The following SLC22A4 variants were observed in gnomAD, a reference collection of about 807,000 sequenced individuals.
SLC22A4 encodes the protein ET transporter.
A neutral mutation model predicts 56.6 loss-of-function variants in SLC22A4; 39 were observed. The observed-to-expected ratio is 0.69, with a 90% CI of 0.53 to 0.90. The LOEUF (loss-of-function observed/expected upper bound fraction) is 0.90. SLC22A4 is among the 40% of genes least tolerant of loss of function. SLC22A4 has a pLI of 0.00. For synonymous variants in SLC22A4, 241 were observed against 281.4 expected, an observed-to-expected ratio of 0.86 and a Z score of 1.44; for missense variants, 594 against 696.5, an observed-to-expected ratio of 0.85 and a Z score of 1.66.
intron 4 of SLC22A4, 37 bp downstream of exon 4, chr5:132,322,392 C>A (rs270600): frequency 6.3e-6 from 10 of 1,593,254 alleles, no homozygotes; most frequent in Non-Finnish European, 8.6e-6. Context: ...CCCTCTGCTG[C>A]GGGTCAGCAC....
intron 8 of SLC22A4, among the ~76,000 whole-genome samples, chr5:132,337,634 T>C (rs866404492): frequency 2.6e-5 from 4 of 152,058 alleles, no homozygotes; most frequent in African/African-American, 9.7e-5. Flanking sequence ...TCATTGTTAC[T>C]TTCATTCCTA....
In SLC22A4 at chr5:132,331,827, G is replaced by A. The variant is rs1417308282; in HGVS notation, c.1023G>A (p.Met341Ile). The change falls in exon 6 of 10, where the codon ATG becomes ATA. Residue 341 changes from methionine to isoleucine, a missense_variant. Coordinates refer to ENST00000200652, the MANE Select transcript of SLC22A4 (RefSeq NM_003059.3). ...TCAGGACTCGGAATATTGCCATAAT[G>A]ACCATTATGTCTTTGCTGCTATGGT... ...DLFRTRNIAI[M>I]TIMSLLLWML... The A allele has an allele frequency of 6.2e-7, 1 of 1,611,770 alleles. No homozygotes were observed. The highest frequency in any genetic ancestry group is 8.5e-7 in the Non-Finnish European group (1 of 1,177,908).
At chr5:132,326,791 CTT>C in intron 4 of SLC22A4, among the ~76,000 whole-genome samples, 1 of 152,344 alleles carries the variant, frequency 6.6e-6, no homozygotes, top group Admixed American at 6.5e-5. Flanking sequence ...CTCACTTTCT[CTT>C]TTGACTAAAG....
intron 1 of SLC22A4, among the ~76,000 whole-genome samples, chr5:132,304,034 TC>T (rs894507887): frequency 6.6e-6 from 1 of 152,112 alleles, no homozygotes; most frequent in Non-Finnish European, 1.5e-5. Context: ...TTCTGGTAAC[TC>T]CATTAGAGCA....
rs774216692 is a variant in SLC22A4, at chr5:132,294,750, C to T, written c.134C>T (p.Thr45Ile). The change falls in exon 1 of 10, where the codon ACC becomes ATC. Residue 45 changes from threonine (T) to isoleucine (I), a missense_variant. By Grantham distance (89) the Thr-to-Ile change is moderately conservative. Coordinates refer to ENST00000200652, the MANE Select transcript of SLC22A4 (RefSeq NM_003059.3). This position sits in a 1 kb window ranked among gnomAD's most constrained non-coding sequence, Gnocchi z 5.6. ...NGMSVVFLAG[T>I]PEHRCRVPDA... ...ATGTCAGTCGTGTTCCTGGCGGGGA[C>T]CCCGGAGCACCGCTGTCGAGTGCCG... The T allele has an allele frequency of 1.8e-5, 29 of 1,613,756 alleles. No individual in the cohort carries two copies. The highest frequency in any genetic ancestry group is 1.2e-4 in the Admixed American group (7 of 60,018).
chr5:132,304,161 A>AGAT (rs1267302751), intron 1 of SLC22A4, among the ~76,000 whole-genome samples: 2 of 152,218 alleles, frequency 1.3e-5, no homozygotes, highest in Non-Finnish European at 2.9e-5. Flanking sequence ...CAAACCTTAT[A>AGAT]GATTTGCCTC....
chr5:132,295,427 C>T (rs1424728389), intron 1 of SLC22A4: 1 of 404,070 alleles, frequency 2.5e-6, no homozygotes. Flanking sequence ...TTGTCTGTTC[C>T]CTGGCCACAG....
intron 1 of SLC22A4, among the ~76,000 whole-genome samples, chr5:132,305,168 AT>A (rs1749995871): frequency 6.6e-6 from 1 of 152,206 alleles, no homozygotes; most frequent in East Asian, 1.9e-4. Flanking sequence ...TTAACAGAAG[AT>A]TTGAACAGGC....
intron 1 of SLC22A4, chr5:132,311,509 GA>G (rs1750177788): frequency 6.5e-6 from 1 of 153,756 alleles, no homozygotes; most frequent in Admixed American, 6.4e-5. Context: ...GGATGGGAAG[GA>G]GGGTGTAGGG....
intron 4 of SLC22A4, 29 bp downstream of exon 4, chr5:132,322,384 C>G (rs543538226): frequency 6.2e-7 from 1 of 1,609,176 alleles, no homozygotes; most frequent in South Asian, 1.1e-5. Flanking sequence ...CAGACAGGCC[C>G]TCTGCTGCGG....
chr5:132,325,988 A>C (rs960207018), intron 4 of SLC22A4, among the ~76,000 whole-genome samples: 1 of 152,240 alleles, frequency 6.6e-6, no homozygotes, highest in African/African-American at 2.4e-5. Context: ...ATTTCTGCAT[A>C]AACTGACCTT....
chr5:132,297,586 G>A (rs1000040643), intron 1 of SLC22A4, among the ~76,000 whole-genome samples: 4 of 151,964 alleles, frequency 2.6e-5, no homozygotes, highest in Non-Finnish European at 5.9e-5. Context: ...GATGAAAAGA[G>A]GCTCAACATC....
intron 3 of SLC22A4, among the ~76,000 whole-genome samples, chr5:132,320,272 G>A (rs1298022020): frequency 1.3e-5 from 2 of 152,134 alleles, no homozygotes; most frequent in African/African-American, 4.8e-5. Flanking sequence ...AAGCTCCTCT[G>A]GCCTCACAAT....
intron 9 of SLC22A4, among the ~76,000 whole-genome samples, chr5:132,342,702 G>C (rs971136840): frequency 3.3e-5 from 5 of 152,226 alleles, no homozygotes; most frequent in Non-Finnish European, 7.3e-5. Context: ...ACAGCACTCA[G>C]AACACTGGCC....
In SLC22A4 at chr5:132,343,918, C is replaced by A; in HGVS notation, c.*83C>A. 1 of 823,970 alleles carries A rather than the reference C, an allele frequency of 1.2e-6. No homozygotes were observed. The highest frequency in any genetic ancestry group is 2.0e-6 in the Non-Finnish European group (1 of 489,856). 51.0% of individuals were successfully genotyped at this position (823,970 alleles called of 1,614,324 possible). ...AATTCGTTGTTCCCACTGAAATGGA[C>A]TGACTGTAACGATTGACACCAAAAT... On this transcript the variant is annotated 3_prime_UTR_variant, in exon 10 of 10. Transcript: ENST00000200652.
At chr5:132,304,430 A>C (rs1368237095) in intron 1 of SLC22A4, among the ~76,000 whole-genome samples, 1 of 152,210 alleles carries the variant, frequency 6.6e-6, no homozygotes, top group Non-Finnish European at 1.5e-5. Flanking sequence ...CAGCCTGGCT[A>C]ATGTGGGGAA....
chr5:132,306,562 C>G (rs1227933128), intron 1 of SLC22A4, among the ~76,000 whole-genome samples: 1 of 150,442 alleles, frequency 6.6e-6, no homozygotes, highest in African/African-American at 2.4e-5. Context: ...TCTCCTGCCT[C>G]AGTCTCCCAA....
intron 4 of SLC22A4, among the ~76,000 whole-genome samples, chr5:132,323,688 A>G (rs1411324904): frequency 6.6e-6 from 1 of 152,224 alleles, no homozygotes; most frequent in Non-Finnish European, 1.5e-5. Context: ...TTTCTGAATG[A>G]GAGTAATTAT....
intron 6 of SLC22A4, among the ~76,000 whole-genome samples, chr5:132,333,795 CTTTT>C (rs59505471): frequency 6.6e-6 from 1 of 151,738 alleles, no homozygotes; most frequent in African/African-American, 2.4e-5. Context: ...AGAGAAGCTT[CTTTT>C]TTTTATTTAT....
Sources: gnomAD v4.1 joint callset for allele counts (sites outside exome capture counted in the v4.1 genomes callset) on GRCh38, gnomAD v4.1.1 for gene constraint, Gnocchi (gnomAD v3.1) non-coding constraint, MANE v1.5 for transcripts, NCBI Gene and HGNC (gene_info 2026-07-23, HGNC 2026-07-21) for gene names.